Variants in PACRG observed in about 807,000 individuals in gnomAD.
PACRG encodes parkin coregulated, also known as parkin coregulated gene protein.
In PACRG, 29 loss-of-function variants were observed where a neutral mutation model predicts 29.7. The observed-to-expected ratio is 0.98, with a 90% confidence interval of 0.73 to 1.33. The LOEUF (loss-of-function observed/expected upper bound fraction) is 1.33. PACRG is among the 40% of genes most tolerant of loss of function. The pLI is 0.00. For synonymous variants in PACRG, 116 were observed against 118.7 expected (o/e 0.98, Z 0.15); for missense variants, 279 against 316.2 (o/e 0.88, Z 0.89).
rs566366746 is a variant in PACRG at position 162,729,723 on chromosome 6, C to A, written c.156+1332C>A. ...ATGTTATACTTTAATTTTTTTTTTA[C>A]TGGTTGGGGTTCTTTTCTGTTTTTT... On this transcript the variant is annotated intron_variant, in intron 1 of 4. Transcript: ENST00000366888. 4.6e-5 allele frequency among the ~76,000 whole-genome samples: 7 copies of A among 150,630 alleles called. No homozygotes were observed. In the South Asian group the frequency reaches 1.5e-3, roughly 32 times the overall value.
chr6:162,831,033 C>A lies in PACRG; in HGVS notation c.291+16752C>A, dbSNP rs192466689. 2.3e-3 allele frequency among the ~76,000 whole-genome samples: 347 copies of A among 152,258 alleles called. 2 individuals are homozygous for A. The highest frequency in any genetic ancestry group is 8.0e-3 in the African/African-American group (334 of 41,538). ...GTCCTATTCTGCCTGCTATTAAAAC[C>A]CACCTCTTCTGTGAGAATCCCATAG... is the stretch of plus-strand genomic sequence containing the variant. On this transcript the variant is annotated intron_variant, in intron 2 of 4. Coordinates refer to ENST00000366888, the MANE Select transcript of PACRG (RefSeq NM_001080379.2).
chr6:163,177,710 A>ATTTTTTTTTTTTTTTTTTTTTTTTTTTTT lies in PACRG; in HGVS notation c.613+88329_613+88330insTTTTTTTTTTTTTTTTTTTTTTTTTTTTT, dbSNP rs398003265. ...TGTTAGCTAAGAAATTAGAAAAGGG[A>ATTTTTTTTTTTTTTTTTTTTTTTTTTTTT]TTTTTTTTTTTTTTTTTTTTTTTTT... On this transcript the variant is annotated intron_variant, in intron 4 of 4. Coordinates refer to ENST00000366888, the MANE Select transcript of PACRG (RefSeq NM_001080379.2). Among the ~76,000 whole-genome samples, 3 of 53,744 alleles carry ATTTTTTTTTTTTTTTTTTTTTTTTTTTTT rather than the reference A, an allele frequency of 5.6e-5. 1 individual carries two copies. The highest frequency in any genetic ancestry group is 9.5e-5 in the Non-Finnish European group (3 of 31,746). The allele number at this position is 53,744 out of a possible 152,430, so 35.3% of individuals were successfully genotyped here.
chr6:163,009,692 G>A, intron 2 of PACRG, among the ~76,000 whole-genome samples: 1 of 152,148 alleles, frequency 6.6e-6, no homozygotes, highest in East Asian at 1.9e-4. Flanking sequence ...AGCTAATTAG[G>A]TGTGTAGTGG....
chr6:162,976,952 G>A (rs1218979009), intron 2 of PACRG, among the ~76,000 whole-genome samples: 1 of 151,926 alleles, frequency 6.6e-6, no homozygotes, highest in African/African-American at 2.4e-5. Flanking sequence ...ATAACCAATT[G>A]GAAATGAAAA....
chr6:163,013,862 G>GTT (rs58154540), intron 2 of PACRG, among the ~76,000 whole-genome samples: 1 of 144,758 alleles, frequency 6.9e-6, no homozygotes, highest in Non-Finnish European at 1.5e-5. Flanking sequence ...AGTTTTTGAG[G>GTT]TTTTTTTTTT....
intron 1 of PACRG, among the ~76,000 whole-genome samples, chr6:162,781,406 A>G (rs1784081817): frequency 6.6e-6 from 1 of 152,000 alleles, no homozygotes; most frequent in South Asian, 2.1e-4. Flanking sequence ...AGGAAAATGG[A>G]AATAGAAGAA....
intron 2 of PACRG, among the ~76,000 whole-genome samples, chr6:162,995,595 C>T (rs977626994): frequency 2.0e-5 from 3 of 152,254 alleles, no homozygotes; most frequent in Admixed American, 6.5e-5. Context: ...TGCCCTGCTT[C>T]GGCTCGCGCC....
chr6:163,104,379 A>T (rs142037331), intron 4 of PACRG, among the ~76,000 whole-genome samples: 5 of 152,180 alleles, frequency 3.3e-5, no homozygotes, highest in African/African-American at 1.2e-4. Context: ...AAATCTGTGT[A>T]TGTAGCTGTC....
intron 2 of PACRG, among the ~76,000 whole-genome samples, chr6:163,006,667 T>G (rs143385533): frequency 6.6e-6 from 1 of 152,014 alleles, no homozygotes; most frequent in Non-Finnish European, 1.5e-5. Context: ...TCTTGATAAA[T>G]TGACCCCCTT....
chr6:163,108,065 T>G (rs1347280717), intron 4 of PACRG, among the ~76,000 whole-genome samples: 1 of 152,248 alleles, frequency 6.6e-6, no homozygotes, highest in East Asian at 1.9e-4. Context: ...TGAAGCCGTC[T>G]GATGTGGTTT....
intron 2 of PACRG, among the ~76,000 whole-genome samples, chr6:162,955,633 G>T (rs1360023861): frequency 6.6e-6 from 1 of 152,156 alleles, no homozygotes; most frequent in African/African-American, 2.4e-5. Flanking sequence ...TGTGTTTTCA[G>T]GGGAGACATA....
intron 4 of PACRG, among the ~76,000 whole-genome samples, chr6:163,119,112 A>G (rs1422849158): frequency 6.6e-6 from 1 of 152,212 alleles, no homozygotes; most frequent in East Asian, 1.9e-4. Flanking sequence ...CGCTGCATGC[A>G]GATCCCAGGG....
rs116625699 is a variant in PACRG, at chr6:163,260,567, C to T, written c.614-54260C>T. 7.3e-3 allele frequency among the ~76,000 whole-genome samples: 1,115 copies of T among 152,288 alleles called. 13 individuals are homozygous for T. The highest frequency in any genetic ancestry group is 0.025 in the African/African-American group (1,040 of 41,554). On this transcript the variant is annotated intron_variant, in intron 4 of 4. Transcript: ENST00000366888. ...TTCGGGAGTTGCCAATCCGTGGGCT[C>T]CCTTCAAATGTAAATGTGTTATGCA...
intron 2 of PACRG, among the ~76,000 whole-genome samples, chr6:162,951,839 G>C (rs1799676880): frequency 6.6e-6 from 1 of 152,154 alleles, no homozygotes; most frequent in Admixed American, 6.5e-5. Flanking sequence ...TCTCGTTGTA[G>C]TCTTACTGGG....
At chr6:163,068,769 C>A (rs1811779556) in intron 3 of PACRG, among the ~76,000 whole-genome samples, 1 of 151,700 alleles carries the variant, frequency 6.6e-6, no homozygotes, top group African/African-American at 2.4e-5. Flanking sequence ...GTTATTGTAA[C>A]TTTCCTTTCC....
intron 1 of PACRG, among the ~76,000 whole-genome samples, chr6:162,791,266 A>G (rs539752183): frequency 1.3e-5 from 2 of 148,602 alleles, no homozygotes; most frequent in South Asian, 4.3e-4. Flanking sequence ...TTTTGTGGGT[A>G]TATTTGCTCT....
rs183804368 is a variant in PACRG, at chr6:162,813,630, T to C, written c.157-517T>C. The stretch of plus-strand genomic sequence containing the variant: ...AGGCCACCTTTTTCTCTTTCTACAC[T>C]AATTTATTATTAGTTTTATATCATT... On this transcript the variant is annotated intron_variant, in intron 1 of 4. Transcript: ENST00000366888. 8.1e-4 allele frequency among the ~76,000 whole-genome samples: 124 copies of C among 152,268 alleles called. No individual in the cohort carries two copies. In the East Asian group the frequency reaches 0.011, roughly 14 times the overall value.
chr6:163,241,352 A>C (rs1366119158), intron 4 of PACRG, among the ~76,000 whole-genome samples: 3 of 152,202 alleles, frequency 2.0e-5, no homozygotes, highest in Non-Finnish European at 4.4e-5. Flanking sequence ...CAAGAAAAGC[A>C]GAAAGGATGG....
At chr6:163,222,864 C>A (rs1278942256) in intron 4 of PACRG, among the ~76,000 whole-genome samples, 1 of 152,040 alleles carries the variant, frequency 6.6e-6, no homozygotes, top group African/African-American at 2.4e-5. Context: ...GAATTGACTA[C>A]AACATTTCAA....
Sources: gnomAD v4.1 joint callset for allele counts (sites outside exome capture counted in the v4.1 genomes callset) on GRCh38, gnomAD v4.1.1 for gene constraint, MANE v1.5 for transcripts, NCBI Gene and HGNC (gene_info 2026-07-23, HGNC 2026-07-21) for gene names.